Variants in GREB1 observed in about 807,000 individuals in gnomAD.
The protein encoded by GREB1 is protein GREB1.
GREB1 carries 106 observed loss-of-function variants against 200.7 expected under a neutral mutation model. The ratio of observed to expected loss-of-function variants is 0.53; its 90% CI spans 0.45 to 0.62. The LOEUF (loss-of-function observed/expected upper bound fraction) is 0.62. GREB1 is among the 20% of genes least tolerant of loss of function. The probability of loss-of-function intolerance (pLI) is 0.00; values close to 1 mark genes in which losing one functional copy is unlikely to be tolerated. For missense variants in GREB1, 2,243 were observed against 2,556.8 expected, an observed-to-expected ratio of 0.88 and a Z score of 2.65; for synonymous variants, 1,132 against 1,092.4, an observed-to-expected ratio of 1.04 and a Z score of -0.72.
At chr2:11,592,457 A>C (rs1441632394) in intron 10 of GREB1, among the ~76,000 whole-genome samples, 1 of 151,904 alleles carries the variant, frequency 6.6e-6, no homozygotes, top group Non-Finnish European at 1.5e-5. Context: ...GTGTGGCCAA[A>C]GAGTGAGCAA....
chr2:11,619,058 T>G, intron 22 of GREB1, 139 bp downstream of exon 22: 1 of 868,904 alleles, frequency 1.2e-6, no homozygotes, highest in Non-Finnish European at 1.7e-6. Context: ...TCCAATGGCC[T>G]GGGGTGGACC....
chr2:11,537,136 C>T (rs1237318269), intron 1 of GREB1, among the ~76,000 whole-genome samples: 2 of 151,742 alleles, frequency 1.3e-5, no homozygotes, highest in East Asian at 3.9e-4. Context: ...CTGATTTTTG[C>T]ATTTTTTAGT....
intron 12 of GREB1, among the ~76,000 whole-genome samples, chr2:11,595,845 G>T (rs1304695421): frequency 6.6e-6 from 1 of 152,040 alleles, no homozygotes; most frequent in African/African-American, 2.4e-5. Context: ...TCGTTTTCCA[G>T]ATGGGCTTGG....
chr2:11,490,710 G>A (rs1394478546), intron 1 of GREB1, among the ~76,000 whole-genome samples: 1 of 152,070 alleles, frequency 6.6e-6, no homozygotes, highest in South Asian at 2.1e-4. Flanking sequence ...CACCACGCCC[G>A]GCTAATTTTT....
chr2:11,640,196 C>T lies in GREB1; in HGVS notation c.5687-95C>T, dbSNP rs1419574171. The T allele has an allele frequency of 9.7e-6, 12 of 1,239,954 alleles. No individual in the cohort carries two copies. Among genetic ancestry groups the T allele is most frequent in the African/African-American group, 1.5e-5 (1 of 66,426 alleles). 76.8% of individuals were successfully genotyped at this position (1,239,954 alleles called of 1,614,324 possible). ...GCCGCTTCTGCCCTTCCCAACAGCGCCCTGTCTTGTCATTGCAAGTAGAAT... is the reference window on the plus strand; with the variant it reads ...GCCGCTTCTGCCCTTCCCAACAGCGTCCTGTCTTGTCATTGCAAGTAGAAT... On this transcript the variant is annotated intron_variant, in intron 32 of 32. Coordinates refer to ENST00000381486, the MANE Select transcript of GREB1 (RefSeq NM_014668.4). This position sits in a 1 kb window ranked among gnomAD's most constrained non-coding sequence, Gnocchi z 4.6.
At chr2:11,543,383 T>G (rs1558519327) in intron 1 of GREB1, among the ~76,000 whole-genome samples, 1 of 152,244 alleles carries the variant, frequency 6.6e-6, no homozygotes. Flanking sequence ...GAGAGGAAAC[T>G]GGAACTTATT....
intron 1 of GREB1, among the ~76,000 whole-genome samples, chr2:11,511,195 C>T (rs1242016935): frequency 6.6e-6 from 1 of 152,094 alleles, no homozygotes; most frequent in Non-Finnish European, 1.5e-5. Context: ...CATGGGTAGC[C>T]AGGCTTGGAT....
In GREB1 at chr2:11,580,946, G is replaced by T. The variant is rs1214058380; in HGVS notation, c.901+114G>T. 4 of 1,333,082 alleles carry T rather than the reference G, an allele frequency of 3.0e-6. No individual in the cohort carries two copies. The Admixed American group carries it at 7.6e-5, about 25-fold the overall frequency. The allele number at this position is 1,333,082 out of a possible 1,614,324, so 82.6% of individuals were successfully genotyped here. A position where few individuals can be genotyped will look rare whatever the true frequency, so the allele number is the denominator to read the frequency against. ...GCTGAGCCTCCTGGAGTCTGATGTG[G>T]CTTCCATGAGAGTCAGGCCAGGACC... On this transcript the variant is annotated intron_variant, in intron 7 of 32. Transcript: ENST00000381486. This position sits in a 1 kb window ranked among gnomAD's most constrained non-coding sequence, Gnocchi z 4.5.
Position 11,635,276 on chromosome 2 carries a change from G to A in GREB1, c.5217G>A (p.Leu1739=), listed in dbSNP as rs1279000831. 2.5e-6 allele frequency: 4 copies of A among 1,614,062 alleles called. No individual in the cohort carries two copies. The highest frequency in any genetic ancestry group is 2.7e-5 in the African/African-American group (2 of 74,950). Residue 1739 remains leucine (L), a synonymous_variant, in exon 30 of 33, where the codon CTG becomes CTA. Coordinates refer to ENST00000381486, the MANE Select transcript of GREB1 (RefSeq NM_014668.4). ...QNVQYNQNRF[L]CDDVDFNLRV... is the part of the protein sequence containing the mutation. ...CTCCTCTGGCCCTGAGTAGGTTCCT[G>A]TGTGACGATGTAGACTTCAACCTGC...
At chr2:11,562,010 C>T (rs567801718) in intron 2 of GREB1, among the ~76,000 whole-genome samples, 3 of 152,264 alleles carry the variant, frequency 2.0e-5, no homozygotes, top group South Asian at 4.2e-4. Flanking sequence ...TCATATGACA[C>T]TATGGTACCA....
At chr2:11,599,431 C>CGGGG (rs1681569686) in intron 15 of GREB1, among the ~76,000 whole-genome samples, 2 of 151,538 alleles carry the variant, frequency 1.3e-5, no homozygotes, top group African/African-American at 4.9e-5. Context: ...GCTCAGCCTC[C>CGGGG]TGGGTTCATG....
rs1026976891 is a variant in GREB1, at chr2:11,635,331, C to T, written c.5272C>T (p.Arg1758Trp). The change falls in exon 30 of 33, where the codon CGG becomes TGG. Residue 1758 changes from arginine to tryptophan, a missense_variant. Coordinates refer to ENST00000381486, the MANE Select transcript of GREB1 (RefSeq NM_014668.4). Reference sequence around the variant, plus strand: ...GCACAGCGCCGGCCTCCTGCTCTGCCGGTTCAACCGCTTCAGCGTGATGAA... The same window carrying T: ...GCACAGCGCCGGCCTCCTGCTCTGCTGGTTCAACCGCTTCAGCGTGATGAA... ...RVHSAGLLLC[R>W]FNRFSVMKKQ... 5.6e-6 allele frequency: 9 copies of T among 1,614,024 alleles called. No individual in the cohort carries two copies. Among genetic ancestry groups the T allele is most frequent in the Admixed American group, 1.7e-5 (1 of 60,006 alleles).
chr2:11,498,720 G>T (rs1672952650), intron 1 of GREB1, among the ~76,000 whole-genome samples: 1 of 152,200 alleles, frequency 6.6e-6, no homozygotes, highest in South Asian at 2.1e-4. Context: ...GGCGTCCTGG[G>T]CTGATCTGGG....
At chr2:11,620,187 G>A (rs1195152738) in intron 22 of GREB1, among the ~76,000 whole-genome samples, 1 of 152,152 alleles carries the variant, frequency 6.6e-6, no homozygotes. Context: ...ATGTTGGCCA[G>A]GATGGTCTGG....
chr2:11,561,801 C>T (rs907326286), intron 2 of GREB1: 1 of 152,338 alleles, frequency 6.6e-6, no homozygotes, highest in Non-Finnish European at 1.5e-5. Context: ...TGACAGCTGT[C>T]TTGTATTGTG....
chr2:11,487,448 G>A (rs1344213476), intron 1 of GREB1, among the ~76,000 whole-genome samples: 1 of 152,104 alleles, frequency 6.6e-6, no homozygotes, highest in Non-Finnish European at 1.5e-5. Flanking sequence ...AGATATTTAT[G>A]TCTTAATTTT....
chr2:11,518,173 T>C (rs1334242175), intron 1 of GREB1, among the ~76,000 whole-genome samples: 1 of 152,218 alleles, frequency 6.6e-6, no homozygotes, highest in African/African-American at 2.4e-5. Context: ...GTGGACAACC[T>C]GCTGAGAGAA....
At chr2:11,614,124 G>GTTTTTTTTTT (rs1558636075) in intron 19 of GREB1, among the ~76,000 whole-genome samples, 2 of 133,400 alleles carry the variant, frequency 1.5e-5, no homozygotes. Context: ...AGCGGACTTA[G>GTTTTTTTTTT]ATTTTTTTTT....
chr2:11,574,275 G>A (rs1028894674), intron 4 of GREB1, among the ~76,000 whole-genome samples: 1 of 152,210 alleles, frequency 6.6e-6, no homozygotes, highest in Non-Finnish European at 1.5e-5. Flanking sequence ...CAGTCATGCT[G>A]CGAGCTTAGA....
Sources: gnomAD v4.1 joint callset for allele counts (sites outside exome capture counted in the v4.1 genomes callset) on GRCh38, gnomAD v4.1.1 for gene constraint, Gnocchi (gnomAD v3.1) non-coding constraint, MANE v1.5 for transcripts, NCBI Gene and HGNC (gene_info 2026-07-23, HGNC 2026-07-21) for gene names.